Variants in MCF2L2 observed in about 807,000 individuals in gnomAD.
MCF2L2 encodes the protein MCF.2 cell line derived transforming sequence-like 2, also known as probable guanine nucleotide exchange factor MCF2L2.
MCF2L2 carries 102 observed loss-of-function variants against 150.2 expected under a neutral mutation model. The observed-to-expected ratio is 0.68, with a 90% CI of 0.58 to 0.80. The LOEUF is 0.80. Among genes scored for constraint, MCF2L2 ranks in the 30% least tolerant of loss-of-function variants. MCF2L2 has a pLI of 0.00. For missense variants in MCF2L2, 1,256 were observed against 1,372.8 expected (o/e 0.91, Z 1.34); for synonymous variants, 465 against 491.3 (o/e 0.95, Z 0.71).
chr3:183,402,336 C>A (rs145511358), intron 1 of MCF2L2, among the ~76,000 whole-genome samples: 1 of 151,254 alleles, frequency 6.6e-6, no homozygotes, highest in Non-Finnish European at 1.5e-5. Context: ...TGCCTGTAGT[C>A]CCAGCTACTC....
chr3:183,295,073 A>G (rs1248247516), intron 13 of MCF2L2, among the ~76,000 whole-genome samples: 1 of 152,146 alleles, frequency 6.6e-6, no homozygotes, highest in Non-Finnish European at 1.5e-5. Context: ...TTTATGATGC[A>G]TTTTTATTAT....
chr3:183,247,951 C>CA (rs921137035), intron 15 of MCF2L2, among the ~76,000 whole-genome samples: 36 of 152,052 alleles, frequency 2.4e-4, no homozygotes, highest in African/African-American at 8.5e-4. Flanking sequence ...AAATCTATTG[C>CA]AAAAAGGAAA....
chr3:183,189,690 C>G (rs1721811769), intron 27 of MCF2L2, among the ~76,000 whole-genome samples: 1 of 152,234 alleles, frequency 6.6e-6, no homozygotes, highest in African/African-American at 2.4e-5. Context: ...GAGGGAGACA[C>G]TTCCACTAGG....
At chr3:183,262,044 T>A (rs1301399197) in intron 15 of MCF2L2, among the ~76,000 whole-genome samples, 1 of 145,696 alleles carries the variant, frequency 6.9e-6, no homozygotes, top group Non-Finnish European at 1.5e-5. Context: ...TTAAAAGATA[T>A]AAAGGAATGA....
Position 183,179,568 on chromosome 3 carries a change from C to A in MCF2L2, c.3221+9G>T, listed in dbSNP as rs765958995. The A allele has an allele frequency of 3.7e-6, 6 of 1,613,840 alleles. No homozygotes were observed. The highest frequency in any genetic ancestry group is 3.3e-5 in the Admixed American group (2 of 59,972). On this transcript the variant is annotated intron_variant, in intron 29 of 29. Coordinates refer to ENST00000328913, the MANE Select transcript of MCF2L2 (RefSeq NM_015078.4). This position sits in a 1 kb window ranked among gnomAD's most constrained non-coding sequence, Gnocchi z 4.2. ...AAGAGGCGCTTAGTCTTTCCTCGCT[C>A]ACACTCACGTTTCCTCCTCATCGCG...
rs772732230 is a variant in MCF2L2, at chr3:183,224,144, C to T, written c.2162G>A (p.Arg721Gln). Residue 721 changes from arginine to glutamine, a missense_variant, in exon 19 of 30, where the codon CGA (arginine) becomes CAA (glutamine). Coordinates refer to ENST00000328913, the MANE Select transcript of MCF2L2 (RefSeq NM_015078.4). Reference sequence around the variant, plus strand: ...ACACTCTTGCCAGATTGCCCTAGCTCGGGGCAGATTCTTATGGTATTTAAA... The same window carrying T: ...ACACTCTTGCCAGATTGCCCTAGCTTGGGGCAGATTCTTATGGTATTTAAA... ...IYFKYHKNLP[R>Q]ARAIWQECQD... 3.0e-5 allele frequency: 48 copies of T among 1,613,852 alleles called. No homozygotes were observed. The highest frequency in any genetic ancestry group is 2.0e-4 in the African/African-American group (15 of 74,900).
chr3:183,270,949 T>TTGTA lies in MCF2L2; in HGVS notation c.1862+5919_1862+5922dup, dbSNP rs1726717383. On this transcript the variant is annotated intron_variant, in intron 15 of 29. Coordinates refer to ENST00000328913, the MANE Select transcript of MCF2L2 (RefSeq NM_015078.4). This position sits in a 1 kb window ranked among gnomAD's most constrained non-coding sequence, Gnocchi z 4.5. ...GCGTTTATCTAATAGTACTTGAATG[T>TTGTA]TGTATGTTTTCACTGTCACTGAGTC... 2.6e-6 allele frequency: 4 copies of TTGTA among 1,540,076 alleles called. No homozygotes were observed. The Admixed American group carries it at 8.6e-5, about 33-fold the overall frequency.
At chr3:183,273,115 G>A in intron 15 of MCF2L2, 1 of 1,055,656 alleles carries the variant, frequency 9.5e-7, no homozygotes, top group Non-Finnish European at 1.3e-6. Context: ...AAAACTTTTT[G>A]GTGCTCCAGT....
At chr3:183,249,662 GAGGGAGGATGCTGA>G (rs1724425561) in intron 15 of MCF2L2, among the ~76,000 whole-genome samples, 1 of 152,208 alleles carries the variant, frequency 6.6e-6, no homozygotes, top group South Asian at 2.1e-4. Context: ...CCCTGGAATT[GAGGGAGGATGCTGA>G]AGGGTGCCAG....
At chr3:183,317,714 A>G (rs1046291704) in intron 7 of MCF2L2, among the ~76,000 whole-genome samples, 1 of 152,100 alleles carries the variant, frequency 6.6e-6, no homozygotes, top group African/African-American at 2.4e-5. Context: ...CTCTGTCCTG[A>G]GCAGGATCAC....
chr3:183,317,007 A>G (rs1577059108), intron 7 of MCF2L2, among the ~76,000 whole-genome samples: 2 of 152,090 alleles, frequency 1.3e-5, no homozygotes, highest in African/African-American at 2.4e-5. Flanking sequence ...ACGCCCGGCC[A>G]TTGTTTTTTT....
At chr3:183,401,583 T>C (rs1403295866) in intron 1 of MCF2L2, among the ~76,000 whole-genome samples, 2 of 152,224 alleles carry the variant, frequency 1.3e-5, no homozygotes, top group Non-Finnish European at 2.9e-5. Flanking sequence ...GAAGATACCT[T>C]CAAGTCCCTT....
intron 3 of MCF2L2, among the ~76,000 whole-genome samples, chr3:183,367,110 G>T (rs1447913590): frequency 6.6e-6 from 1 of 152,056 alleles, no homozygotes; most frequent in East Asian, 1.9e-4. Context: ...AGTGATACAG[G>T]TTTAATGACA....
At chr3:183,371,876 G>C (rs1712904970) in intron 3 of MCF2L2, 1 of 152,170 alleles carries the variant, frequency 6.6e-6, no homozygotes, top group Non-Finnish European at 1.5e-5. Flanking sequence ...CAGGAGGGCA[G>C]AGGAAGCAAT....
At chr3:183,326,982 C>A (rs1247949489) in intron 5 of MCF2L2, among the ~76,000 whole-genome samples, 1 of 152,096 alleles carries the variant, frequency 6.6e-6, no homozygotes, top group African/African-American at 2.4e-5. Flanking sequence ...GGAATCTTGA[C>A]CCACACCTAT....
At chr3:183,217,414 G>A (rs1314228185) in intron 21 of MCF2L2, among the ~76,000 whole-genome samples, 3 of 151,456 alleles carry the variant, frequency 2.0e-5, no homozygotes, top group Admixed American at 6.6e-5. Flanking sequence ...GGAGTTTGCA[G>A]TGAGCCAAGA....
intron 22 of MCF2L2, among the ~76,000 whole-genome samples, chr3:183,211,232 G>C (rs991952027): frequency 8.5e-5 from 13 of 152,096 alleles, no homozygotes; most frequent in Non-Finnish European, 2.9e-5. Context: ...CCAGGCCCAG[G>C]CCCCAGAGGT....
intron 1 of MCF2L2, among the ~76,000 whole-genome samples, chr3:183,411,949 G>A (rs1394974725): frequency 2.0e-5 from 3 of 152,160 alleles, no homozygotes; most frequent in Non-Finnish European, 4.4e-5. Context: ...ACAATGCTAT[G>A]ACGAAGGAAA....
At chr3:183,272,370 G>A in intron 15 of MCF2L2, 1 of 1,000,230 alleles carries the variant, frequency 1.0e-6, no homozygotes, top group Non-Finnish European at 1.2e-6. Context: ...TGACTGCAGA[G>A]GCACCTGTTA....
Sources: allele counts gnomAD v4.1 joint callset (sites outside exome capture counted in the v4.1 genomes callset), GRCh38; gene constraint gnomAD v4.1.1; non-coding constraint Gnocchi (gnomAD v3.1); transcripts MANE v1.5; gene names NCBI Gene and HGNC (gene_info 2026-07-23, HGNC 2026-07-21).